Variants in FBXO4 observed in about 807,000 individuals in gnomAD.
FBXO4 encodes the protein F-box only protein 4.
Under a neutral mutation model 43.7 loss-of-function variants are expected in FBXO4, and 36 were observed. The ratio of observed to expected loss-of-function variants is 0.82; its 90% confidence interval spans 0.63 to 1.09. FBXO4 has a LOEUF of 1.09. Among genes scored for constraint, FBXO4 ranks in the 50% least tolerant of loss-of-function variants. The pLI, the probability that FBXO4 is intolerant of heterozygous loss-of-function variation, is 0.00. For missense variants in FBXO4, 435 were observed against 474.1 expected, an observed-to-expected ratio of 0.92 and a Z score of 0.77; for synonymous variants, 180 against 165.6, an observed-to-expected ratio of 1.09 and a Z score of -0.67.
chr5:42,007,511 C>T, the FBXO4 span, among the ~76,000 whole-genome samples: 1 of 152,038 alleles, frequency 6.6e-6, no homozygotes, highest in Non-Finnish European at 1.5e-5. Context: ...TACATATTAT[C>T]CGTAGATAAG....
At chr5:41,932,354 G>A (rs1579978358) in intron 3 of FBXO4, among the ~76,000 whole-genome samples, 1 of 152,154 alleles carries the variant, frequency 6.6e-6, no homozygotes, top group Non-Finnish European at 1.5e-5. Context: ...TTGATTCTGT[G>A]GTCTCTGTGA....
the FBXO4 span, among the ~76,000 whole-genome samples, chr5:42,012,124 T>C: frequency 2.3e-4 from 35 of 152,288 alleles, no homozygotes; most frequent in South Asian, 6.9e-3. Context: ...GTAGGAACTC[T>C]GATGGGTTCA....
At chr5:42,008,259 T>C in the FBXO4 span, among the ~76,000 whole-genome samples, 1 of 152,196 alleles carries the variant, frequency 6.6e-6, no homozygotes, top group Non-Finnish European at 1.5e-5. Context: ...CCTGTTTTAA[T>C]GAGGAGCAAA....
chr5:41,948,506 A>C, the FBXO4 span, among the ~76,000 whole-genome samples: 3 of 152,020 alleles, frequency 2.0e-5, no homozygotes, highest in South Asian at 6.2e-4. Flanking sequence ...ATCATAGTCT[A>C]TCTTTTAATA....
the FBXO4 span, among the ~76,000 whole-genome samples, chr5:41,980,127 C>T: frequency 2.2e-4 from 34 of 151,994 alleles, no homozygotes; most frequent in Non-Finnish European, 3.5e-4. Context: ...TTTTAGGGAA[C>T]GAAGAGACTG....
chr5:42,033,405 C>G, the FBXO4 span, among the ~76,000 whole-genome samples: 1 of 152,072 alleles, frequency 6.6e-6, no homozygotes, highest in African/African-American at 2.4e-5. Flanking sequence ...ACTTTAAGCT[C>G]TGGGATACAA....
At chr5:41,933,891 T>C in intron 3 of FBXO4, 55 bp from the exon 4 acceptor site, 1 of 1,443,674 alleles carries the variant, frequency 6.9e-7, no homozygotes, top group African/African-American at 1.4e-5. Context: ...TTCAGTGTGA[T>C]CTTTTGCTAT....
the FBXO4 span, among the ~76,000 whole-genome samples, chr5:41,997,685 C>A: frequency 6.6e-6 from 1 of 152,170 alleles, no homozygotes; most frequent in Non-Finnish European, 1.5e-5. Context: ...ACCACAATGA[C>A]TTTTAGGGTC....
chr5:41,939,108 C>T (rs1044419375), intron 5 of FBXO4, among the ~76,000 whole-genome samples: 1 of 152,162 alleles, frequency 6.6e-6, no homozygotes, highest in African/African-American at 2.4e-5. Flanking sequence ...CTGCCTACCA[C>T]AAAATGCAGA....
chr5:41,993,613 A>G, the FBXO4 span, among the ~76,000 whole-genome samples: 10 of 133,456 alleles, frequency 7.5e-5, no homozygotes, highest in African/African-American at 3.2e-4. Context: ...AGACAGAACT[A>G]ATAGGATATA....
chr5:41,967,515 C>G, the FBXO4 span: 7 of 791,080 alleles, frequency 8.8e-6, no homozygotes, highest in African/African-American at 1.0e-4. Flanking sequence ...ATAACAGTGG[C>G]ATCACCTCCG....
chr5:41,930,945 C>T (rs1288178600), intron 3 of FBXO4, among the ~76,000 whole-genome samples: 2 of 152,174 alleles, frequency 1.3e-5, no homozygotes, highest in East Asian at 1.9e-4. Flanking sequence ...CGTGAGCCAC[C>T]GCGCCCGGCG....
chr5:41,982,320 G>A, the FBXO4 span, among the ~76,000 whole-genome samples: 4 of 152,042 alleles, frequency 2.6e-5, no homozygotes, highest in East Asian at 1.9e-4. Context: ...CTGAGGAATC[G>A]CCACACTGTC....
At chr5:41,934,081 T>G in intron 4 of FBXO4, 52 bp from the exon 5 acceptor site, 1 of 1,610,852 alleles carries the variant, frequency 6.2e-7, no homozygotes, top group South Asian at 1.1e-5. Flanking sequence ...TTCAGGTGAG[T>G]GGAGCCTGTT....
At chr5:41,965,393 T>C in the FBXO4 span, among the ~76,000 whole-genome samples, 1 of 152,224 alleles carries the variant, frequency 6.6e-6, no homozygotes, top group Non-Finnish European at 1.5e-5. Flanking sequence ...ATATGAACTT[T>C]AAAGTATTTT....
chr5:41,937,270 G>A (rs114700979), intron 5 of FBXO4, among the ~76,000 whole-genome samples: 2 of 152,006 alleles, frequency 1.3e-5, no homozygotes, highest in Admixed American at 6.6e-5. Flanking sequence ...CATCTTTAAC[G>A]CAGCCAGAAA....
chr5:42,015,218 A>C, the FBXO4 span, among the ~76,000 whole-genome samples: 60 of 152,324 alleles, frequency 3.9e-4, no homozygotes, highest in African/African-American at 1.3e-3. Flanking sequence ...TCTTTGAAAA[A>C]GTGTTTTGTT....
chr5:41,999,545 GTATATATATATA>G, the FBXO4 span, among the ~76,000 whole-genome samples: 1 of 103,412 alleles, frequency 9.7e-6, no homozygotes, highest in African/African-American at 4.3e-5. Context: ...ACATATATAT[GTATATATATATA>G]TATATGTATA....
chr5:41,991,633 T>G, the FBXO4 span, among the ~76,000 whole-genome samples: 2 of 152,198 alleles, frequency 1.3e-5, no homozygotes, highest in African/African-American at 2.4e-5. Flanking sequence ...ATATTTCCAC[T>G]ATTGTAAAAT....
Sources: allele counts gnomAD v4.1 joint callset (sites outside exome capture counted in the v4.1 genomes callset), GRCh38; gene constraint gnomAD v4.1.1; transcripts MANE v1.5; gene names NCBI Gene and HGNC (gene_info 2026-07-23, HGNC 2026-07-21).